Variants in FARS2 observed in about 807,000 individuals in gnomAD.
FARS2 encodes the protein phenylalanyl-tRNA synthetase 2, mitochondrial, also known as phenylalanine--tRNA ligase, mitochondrial.
FARS2 carries 40 observed loss-of-function variants against 46.4 expected under a neutral mutation model. The ratio of observed to expected loss-of-function variants is 0.86; its 90% CI spans 0.67 to 1.12. FARS2 has a LOEUF of 1.12. Ranked by LOEUF, FARS2 falls within the 50% of genes most tolerant of loss-of-function variation. FARS2 has a pLI of 0.00. For synonymous variants in FARS2, 234 were observed against 214.9 expected (o/e 1.09, Z -0.78); for missense variants, 513 against 567.9 (o/e 0.90, Z 0.98).
intron 4 of FARS2, among the ~76,000 whole-genome samples, chr6:5,491,496 A>G (rs868006285): frequency 2.0e-5 from 3 of 152,268 alleles, no homozygotes; most frequent in South Asian, 4.1e-4. Flanking sequence ...ATCATGCGCC[A>G]TTGATGGTAA....
intron 6 of FARS2, among the ~76,000 whole-genome samples, chr6:5,678,310 A>AT (rs1195809050): frequency 6.6e-6 from 1 of 152,206 alleles, no homozygotes; most frequent in African/African-American, 2.4e-5. Flanking sequence ...TTTAAGGGAC[A>AT]TTTCCATCAA....
At chr6:5,424,085 G>GTA (rs1316704632) in intron 3 of FARS2, among the ~76,000 whole-genome samples, 5 of 152,138 alleles carry the variant, frequency 3.3e-5, no homozygotes, top group African/African-American at 1.2e-4. Flanking sequence ...GTGTCTGTGG[G>GTA]TACTCAACTG....
intron 1 of FARS2, among the ~76,000 whole-genome samples, chr6:5,353,010 A>G (rs1251151869): frequency 1.3e-5 from 2 of 152,160 alleles, no homozygotes; most frequent in Non-Finnish European, 2.9e-5. Flanking sequence ...GCACACCAGA[A>G]CTTATTTTTC....
intron 4 of FARS2, among the ~76,000 whole-genome samples, chr6:5,466,260 G>A (rs1187050421): frequency 6.6e-6 from 1 of 152,106 alleles, no homozygotes; most frequent in Non-Finnish European, 1.5e-5. Flanking sequence ...CACAGATCCT[G>A]CCTCTGCCCC....
At chr6:5,506,417 G>C (rs1300378254) in intron 4 of FARS2, among the ~76,000 whole-genome samples, 1 of 152,198 alleles carries the variant, frequency 6.6e-6, no homozygotes, top group Non-Finnish European at 1.5e-5. Flanking sequence ...CAAGATTTGT[G>C]AATGCCCCAC....
chr6:5,341,558 G>T (rs1281135049), intron 1 of FARS2, among the ~76,000 whole-genome samples: 1 of 150,908 alleles, frequency 6.6e-6, no homozygotes, highest in Non-Finnish European at 1.5e-5. Context: ...TCGCTCTGTT[G>T]CCCAGGCTGG....
intron 4 of FARS2, among the ~76,000 whole-genome samples, chr6:5,483,371 A>T (rs1370252968): frequency 6.6e-6 from 1 of 152,100 alleles, no homozygotes; most frequent in East Asian, 1.9e-4. Flanking sequence ...ACTTTTTTTC[A>T]CAGTACTAAC....
intron 1 of FARS2, among the ~76,000 whole-genome samples, chr6:5,268,077 T>G (rs1328947047): frequency 6.6e-6 from 1 of 152,190 alleles, no homozygotes. Flanking sequence ...TAAATTTGTT[T>G]AAGTTCTTTG....
At chr6:5,585,612 T>C (rs1156990066) in intron 5 of FARS2, among the ~76,000 whole-genome samples, 1 of 152,056 alleles carries the variant, frequency 6.6e-6, no homozygotes, top group African/African-American at 2.4e-5. Flanking sequence ...GCGTAATGTC[T>C]TCCAAGTTCA....
chr6:5,738,265 T>A (rs1761078187), intron 6 of FARS2, among the ~76,000 whole-genome samples: 1 of 152,236 alleles, frequency 6.6e-6, no homozygotes, highest in Non-Finnish European at 1.5e-5. Flanking sequence ...TAGAATTTTT[T>A]AAATGTGTCC....
At chr6:5,684,395 G>T (rs1224399066) in intron 6 of FARS2, among the ~76,000 whole-genome samples, 1 of 152,136 alleles carries the variant, frequency 6.6e-6, no homozygotes, top group East Asian at 1.9e-4. Context: ...GAGACCAAGG[G>T]ATGATGTCCT....
At chr6:5,381,841 A>T (rs1469192) in intron 2 of FARS2, among the ~76,000 whole-genome samples, 1 of 152,162 alleles carries the variant, frequency 6.6e-6, no homozygotes, top group African/African-American at 2.4e-5. Context: ...GTGTAGGAAC[A>T]GGAGGCTGGG....
At chr6:5,707,750 C>T (rs1482748530) in intron 6 of FARS2, among the ~76,000 whole-genome samples, 1 of 152,218 alleles carries the variant, frequency 6.6e-6, no homozygotes, top group Non-Finnish European at 1.5e-5. Context: ...CACGTCCTTC[C>T]GTCCACGTGT....
At chr6:5,725,208 G>A (rs1038760081) in intron 6 of FARS2, among the ~76,000 whole-genome samples, 1 of 152,210 alleles carries the variant, frequency 6.6e-6, no homozygotes. Context: ...GGCCAAATTC[G>A]TAGCCTGTTT....
intron 2 of FARS2, among the ~76,000 whole-genome samples, chr6:5,371,395 TG>T (rs1221375959): frequency 1.3e-5 from 2 of 152,216 alleles, no homozygotes; most frequent in East Asian, 3.8e-4. Context: ...GTTTAATCTT[TG>T]TAATTATTAC....
chr6:5,719,777 G>A (rs889577921), intron 6 of FARS2, among the ~76,000 whole-genome samples: 1 of 152,198 alleles, frequency 6.6e-6, no homozygotes, highest in Non-Finnish European at 1.5e-5. Context: ...AGGTTCTGTA[G>A]CATCATTCAG....
chr6:5,432,006 A>T (rs1296083267), intron 4 of FARS2, among the ~76,000 whole-genome samples: 1 of 151,334 alleles, frequency 6.6e-6, no homozygotes, highest in Non-Finnish European at 1.5e-5. Flanking sequence ...TAATTAAAAA[A>T]TTTAATATAA....
chr6:5,318,256 G>A (rs1769684599), intron 1 of FARS2, among the ~76,000 whole-genome samples: 1 of 152,070 alleles, frequency 6.6e-6, no homozygotes, highest in Non-Finnish European at 1.5e-5. Context: ...CTACTTGGTT[G>A]GCTGAGGCAA....
intron 5 of FARS2, among the ~76,000 whole-genome samples, chr6:5,548,200 T>C (rs1243518414): frequency 6.6e-6 from 1 of 152,140 alleles, no homozygotes; most frequent in Non-Finnish European, 1.5e-5. Flanking sequence ...CCTGAGTTGC[T>C]CCCACAACAT....
Sources: gnomAD v4.1 joint callset for allele counts (sites outside exome capture counted in the v4.1 genomes callset) on GRCh38, gnomAD v4.1.1 for gene constraint, MANE v1.5 for transcripts, NCBI Gene and HGNC (gene_info 2026-07-23, HGNC 2026-07-21) for gene names.